The following UHRF2 variants were observed in gnomAD, a reference collection of about 807,000 sequenced individuals.
UHRF2 encodes E3 ubiquitin-protein ligase UHRF2.
A neutral mutation model predicts 96.8 loss-of-function variants in UHRF2; 23 were observed. That is an observed-to-expected ratio of 0.24 (90% CI 0.17 to 0.34). UHRF2 has a LOEUF of 0.34. Ranked by LOEUF, UHRF2 falls within the 10% of genes least tolerant of loss-of-function variation. The pLI, the probability that UHRF2 is intolerant of heterozygous loss-of-function variation, is 1.00. For synonymous variants in UHRF2, 385 were observed against 332.6 expected (o/e 1.16, Z -1.72); for missense variants, 685 against 981.5 (o/e 0.70, Z 4.04).
At chr9:6,426,586 T>C (rs1008649085) in intron 2 of UHRF2, among the ~76,000 whole-genome samples, 1 of 152,222 alleles carries the variant, frequency 6.6e-6, no homozygotes, top group Non-Finnish European at 1.5e-5. Flanking sequence ...ATTTTTCAGA[T>C]AGAAGTACAT....
chr9:6,488,732 C>CCT (rs887990038), intron 9 of UHRF2, among the ~76,000 whole-genome samples: 10 of 151,262 alleles, frequency 6.6e-5, no homozygotes, highest in Non-Finnish European at 5.9e-5. Flanking sequence ...GAACTCCTGG[C>CCT]CTCAGGTGAT....
At chr9:6,476,077 TC>T (rs1343315185) in intron 5 of UHRF2, among the ~76,000 whole-genome samples, 1 of 152,212 alleles carries the variant, frequency 6.6e-6, no homozygotes, top group Non-Finnish European at 1.5e-5. Context: ...CATTCTATTC[TC>T]CACCTGCACA....
In UHRF2 at chr9:6,506,840, T is replaced by C. The variant is rs971446064; in HGVS notation, c.*661T>C. On this transcript the variant is annotated 3_prime_UTR_variant, in exon 16 of 16. Coordinates refer to ENST00000276893, the MANE Select transcript of UHRF2 (RefSeq NM_152896.3). ...GGTGTGGTTTTGCACTTAAAAGAGG[T>C]ATTCATATGCTCTAGTTGTAAATGT... is the stretch of plus-strand genomic sequence containing the variant. 2 of 152,608 alleles carry C rather than the reference T, an allele frequency of 1.3e-5. No individual in the cohort carries two copies. The highest frequency in any genetic ancestry group is 1.3e-4 in the Admixed American group (2 of 15,278). The allele number at this position is 152,608 out of a possible 1,614,324, so 9.5% of individuals were successfully genotyped here. A position where few individuals can be genotyped will look rare whatever the true frequency, so the allele number is the denominator to read the frequency against.
intron 5 of UHRF2, among the ~76,000 whole-genome samples, chr9:6,477,306 C>T (rs1823639304): frequency 6.6e-6 from 1 of 151,574 alleles, no homozygotes. Flanking sequence ...GGGCAGATCA[C>T]CTGAGGTTGG....
In UHRF2 at chr9:6,506,909, C is replaced by T. The variant is rs1264454229; in HGVS notation, c.*730C>T. On this transcript the variant is annotated 3_prime_UTR_variant, in exon 16 of 16. Coordinates refer to ENST00000276893, the MANE Select transcript of UHRF2 (RefSeq NM_152896.3). The stretch of plus-strand genomic sequence containing the variant: ...CTACTAGTCGAACTGCTTTTAGTGT[C>T]TCACCAGTGGTTTTACATCTGCAGA... 6.6e-6 allele frequency: 1 copy of T among 152,638 alleles called. No homozygotes were observed. The highest frequency in any genetic ancestry group is 1.5e-5 in the Non-Finnish European group (1 of 68,044). 9.5% of individuals were successfully genotyped at this position (152,638 alleles called of 1,614,324 possible).
At chr9:6,493,035 T>G (rs1442753512) in intron 9 of UHRF2, among the ~76,000 whole-genome samples, 1 of 152,128 alleles carries the variant, frequency 6.6e-6, no homozygotes, top group Non-Finnish European at 1.5e-5. Flanking sequence ...CAGTGGGTCA[T>G]GCCTGTAATC....
At chr9:6,495,727 T>G (rs1322801239) in intron 10 of UHRF2, 2 of 152,156 alleles carry the variant, frequency 1.3e-5, no homozygotes, top group African/African-American at 4.8e-5. Context: ...TTCATCCTCT[T>G]GGACTCTTTT....
chr9:6,472,295 C>T (rs1171569869), intron 4 of UHRF2, among the ~76,000 whole-genome samples: 1 of 152,166 alleles, frequency 6.6e-6, no homozygotes, highest in Admixed American at 6.5e-5. Context: ...GGAAATTTAT[C>T]TTATGAAAAT....
At chr9:6,427,601 C>T (rs1820330491) in intron 2 of UHRF2, among the ~76,000 whole-genome samples, 2 of 152,126 alleles carry the variant, frequency 1.3e-5, no homozygotes, top group Admixed American at 6.6e-5. Context: ...GGGAGAATCA[C>T]TTGAACCCAG....
chr9:6,468,356 G>T (rs1310551050), intron 4 of UHRF2: 2 of 441,080 alleles, frequency 4.5e-6, no homozygotes, highest in Admixed American at 4.8e-5. Context: ...TGCAGGTAGG[G>T]TGGGACAGCT....
intron 3 of UHRF2, among the ~76,000 whole-genome samples, chr9:6,448,656 G>A (rs1821666449): frequency 6.6e-6 from 1 of 152,226 alleles, no homozygotes; most frequent in Admixed American, 6.5e-5. Flanking sequence ...TTTGGTGGAT[G>A]TTAAGAGTAA....
chr9:6,442,889 T>C (rs567410681), intron 3 of UHRF2, among the ~76,000 whole-genome samples: 1 of 152,348 alleles, frequency 6.6e-6, no homozygotes, highest in Admixed American at 6.5e-5. Flanking sequence ...ACCAAGGATT[T>C]AACATGTACT....
At chr9:6,477,336 C>G (rs1335321199) in intron 5 of UHRF2, among the ~76,000 whole-genome samples, 2 of 151,852 alleles carry the variant, frequency 1.3e-5, no homozygotes, top group African/African-American at 4.8e-5. Flanking sequence ...ACCAGCCTGA[C>G]CAACATGGAG....
rs1823894863 is a variant in UHRF2 at position 6,481,066 on chromosome 9, A to G, written c.1161-577A>G. On this transcript the variant is annotated intron_variant, in intron 6 of 15. Transcript: ENST00000276893. The stretch of plus-strand genomic sequence containing the variant: ...TGTAGACGTATACCTTGCTTTTTAG[A>G]AAAGATTCAAGGCAGTTTACGAAAT... 2.6e-5 allele frequency among the ~76,000 whole-genome samples: 4 copies of G among 152,198 alleles called. No homozygotes were observed. The South Asian group carries it at 8.3e-4, about 31-fold the overall frequency.
In UHRF2 at chr9:6,478,990, CA is replaced by C. The variant is rs1279451584; in HGVS notation, c.1160+1183del. Among the ~76,000 whole-genome samples the C allele has an allele frequency of 3.3e-5, 5 of 152,300 alleles. No individual in the cohort carries two copies. The East Asian group carries it at 9.6e-4, about 29-fold the overall frequency. ...TAAAATACGCTCTTTCACCTGCTCT[CA>C]CAGTTCCATAGTCTTTCCAGAAACT... On this transcript the variant is annotated intron_variant, in intron 6 of 15. Transcript: ENST00000276893.
chr9:6,489,994 C>G (rs969013140), intron 9 of UHRF2, among the ~76,000 whole-genome samples: 9 of 151,988 alleles, frequency 5.9e-5, no homozygotes, highest in African/African-American at 2.2e-4. Context: ...TATTTTGAAG[C>G]TATATCTTTG....
chr9:6,434,238 T>G (rs1820707434), intron 3 of UHRF2, 65 bp downstream of exon 3: 8 of 1,500,158 alleles, frequency 5.3e-6, no homozygotes, highest in Non-Finnish European at 2.7e-6. Context: ...AGCCTTCTAT[T>G]TCAAGATTAT....
At chr9:6,428,059 A>G (rs544942581) in intron 2 of UHRF2, among the ~76,000 whole-genome samples, 1 of 152,358 alleles carries the variant, frequency 6.6e-6, no homozygotes, top group African/African-American at 2.4e-5. Flanking sequence ...ACTGTTTAGA[A>G]TGATGATGGT....
At chr9:6,487,318 A>G (rs909356309) in intron 9 of UHRF2, among the ~76,000 whole-genome samples, 1 of 149,256 alleles carries the variant, frequency 6.7e-6, no homozygotes, top group African/African-American at 2.5e-5. Context: ...CCTCCCAAGT[A>G]TGTGAGATTT....
Sources: gnomAD v4.1 joint callset for allele counts (sites outside exome capture counted in the v4.1 genomes callset) on GRCh38, gnomAD v4.1.1 for gene constraint, MANE v1.5 for transcripts, NCBI Gene and HGNC (gene_info 2026-07-23, HGNC 2026-07-21) for gene names.